ERICH1: variants seen among roughly 807,000 people sequenced by gnomAD.
ERICH1 encodes glutamate-rich protein 1.
Under a neutral mutation model 39.6 loss-of-function variants are expected in ERICH1, and 56 were observed. That is an observed-to-expected ratio of 1.41 (90% CI 1.14 to 1.77). The LOEUF is 1.77. Among genes scored for constraint, ERICH1 ranks in the 40% most tolerant of loss-of-function variants. The pLI is 0.00. For missense variants in ERICH1, 826 were observed against 575.4 expected (o/e 1.44, Z -4.45); for synonymous variants, 313 against 223.6 (o/e 1.40, Z -3.57).
At chr8:620,815 A>G (rs1362592155) in intron 3 of ERICH1, among the ~76,000 whole-genome samples, 2 of 152,234 alleles carry the variant, frequency 1.3e-5, no homozygotes, top group Admixed American at 6.5e-5. Flanking sequence ...GGAGAAGTAG[A>G]CAATTTAACA....
intron 3 of ERICH1, among the ~76,000 whole-genome samples, chr8:690,625 C>G (rs1246261843): frequency 2.6e-5 from 4 of 152,236 alleles, no homozygotes; most frequent in African/African-American, 9.6e-5. Flanking sequence ...TATGCCACCC[C>G]TGCCTGGGCG....
chr8:630,610 G>C (rs376404099), intron 3 of ERICH1, among the ~76,000 whole-genome samples: 62 of 69,840 alleles, frequency 8.9e-4, no homozygotes, highest in South Asian at 1.6e-3. Context: ...CCTCCCGTGA[G>C]CACCCACACA....
At chr8:616,650 G>A in intron 3 of ERICH1, 1 of 454,208 alleles carries the variant, frequency 2.2e-6, no homozygotes, top group Non-Finnish European at 4.4e-6. Flanking sequence ...AGGAGAGACA[G>A]ACGGGGGCGC....
chr8:643,167 C>G (rs1351025177), intron 3 of ERICH1, among the ~76,000 whole-genome samples: 1 of 152,194 alleles, frequency 6.6e-6, no homozygotes, highest in African/African-American at 2.4e-5. Context: ...GGGACTGCTT[C>G]ACACCTGGTG....
At chr8:651,278 C>T (rs1422598559) in intron 3 of ERICH1, among the ~76,000 whole-genome samples, 3 of 152,200 alleles carry the variant, frequency 2.0e-5, no homozygotes, top group Non-Finnish European at 2.9e-5. Flanking sequence ...CCCGAACCTG[C>T]CTGACACTGT....
At chr8:621,054 T>G (rs1797251529) in intron 3 of ERICH1, among the ~76,000 whole-genome samples, 2 of 152,308 alleles carry the variant, frequency 1.3e-5, no homozygotes, top group South Asian at 4.1e-4. Context: ...TAAATAGGAT[T>G]GAAATCATAA....
At chr8:623,156 A>C (rs75268505) in intron 3 of ERICH1, among the ~76,000 whole-genome samples, 3,471 of 152,230 alleles carry the variant, frequency 0.023, 117 homozygotes, top group African/African-American at 0.079. Flanking sequence ...ATAGACACAA[A>C]CACTAGCAAA....
chr8:668,533 T>A, intron 5 of ERICH1, 65 bp downstream of exon 5: 2 of 1,587,382 alleles, frequency 1.3e-6, no homozygotes, highest in Non-Finnish European at 1.7e-6. Context: ...CGTGTAAGTC[T>A]TTCAGAGGCA....
At chr8:670,486 G>T (rs1427802292) in intron 4 of ERICH1, among the ~76,000 whole-genome samples, 1 of 152,134 alleles carries the variant, frequency 6.6e-6, no homozygotes, top group Admixed American at 6.5e-5. Flanking sequence ...CCGAGTAGAG[G>T]GGGATCCCCT....
At chr8:630,933 C>T (rs1231760705) in intron 3 of ERICH1, among the ~76,000 whole-genome samples, 1 of 149,380 alleles carries the variant, frequency 6.7e-6, no homozygotes, top group African/African-American at 2.5e-5. Flanking sequence ...CCCACACAGA[C>T]AGAGCTGACA....
intron 2 of ERICH1, among the ~76,000 whole-genome samples, chr8:707,439 C>T (rs759758093): frequency 2.6e-5 from 4 of 152,056 alleles, no homozygotes; most frequent in Non-Finnish European, 4.4e-5. Context: ...AACTCCTGAC[C>T]TCAAGTGATC....
chr8:700,344 GATCC>G (rs1811713505), intron 2 of ERICH1, among the ~76,000 whole-genome samples: 6 of 64,980 alleles, frequency 9.2e-5, no homozygotes, highest in Admixed American at 4.5e-4. Flanking sequence ...CACGCGCACA[GATCC>G]GCACACGCGC....
intron 3 of ERICH1, chr8:615,760 C>T (rs1447762271): frequency 1.3e-5 from 2 of 152,968 alleles, no homozygotes; most frequent in African/African-American, 4.8e-5. Flanking sequence ...ACAGAAAAAA[C>T]ACCCATTGCT....
intron 3 of ERICH1, among the ~76,000 whole-genome samples, chr8:630,304 A>C: frequency 1.9e-5 from 2 of 106,604 alleles, no homozygotes; most frequent in African/African-American, 3.8e-5. Context: ...TCCTGTGACC[A>C]CCCACACAGA....
chr8:618,934 A>C (rs1797104653), intron 3 of ERICH1, among the ~76,000 whole-genome samples: 1 of 152,176 alleles, frequency 6.6e-6, no homozygotes, highest in Admixed American at 6.5e-5. Context: ...TTAACCGGAG[A>C]AAATGGTTTT....
intron 2 of ERICH1, among the ~76,000 whole-genome samples, chr8:712,680 G>A (rs111291770): frequency 2.7e-4 from 41 of 152,214 alleles, no homozygotes; most frequent in African/African-American, 7.7e-4. Flanking sequence ...CCTGTGATCC[G>A]CCCACCTTGG....
chr8:619,160 G>C (rs986002188), intron 3 of ERICH1, among the ~76,000 whole-genome samples: 1 of 151,946 alleles, frequency 6.6e-6, no homozygotes, highest in Non-Finnish European at 1.5e-5. Context: ...GCCCAGTCTG[G>C]GGCTCTGGCC....
At chr8:650,245 G>C (rs1270096167) in intron 3 of ERICH1, among the ~76,000 whole-genome samples, 3 of 152,216 alleles carry the variant, frequency 2.0e-5, no homozygotes, top group Non-Finnish European at 4.4e-5. Context: ...GCCTCCGCCA[G>C]GCCGAGTCAG....
At chr8:629,354 CCACA>C (rs10569252) in intron 3 of ERICH1, among the ~76,000 whole-genome samples, 1 of 150,702 alleles carries the variant, frequency 6.6e-6, no homozygotes, top group Middle Eastern at 3.5e-3. Flanking sequence ...CTGTGACCAC[CCACA>C]CACACAGAGC....
Sources: allele counts gnomAD v4.1 joint callset (sites outside exome capture counted in the v4.1 genomes callset), GRCh38; gene constraint gnomAD v4.1.1; transcripts MANE v1.5; gene names NCBI Gene and HGNC (gene_info 2026-07-23, HGNC 2026-07-21).